Variants in LRIG2 observed in about 807,000 individuals in gnomAD.
LRIG2 encodes the protein leucine-rich repeats and immunoglobulin-like domains protein 2.
In LRIG2, 93 loss-of-function variants were observed where a neutral mutation model predicts 107.8. The observed-to-expected ratio is 0.86, with a 90% CI of 0.73 to 1.03. The LOEUF (loss-of-function observed/expected upper bound fraction) is 1.03. Among genes scored for constraint, LRIG2 ranks in the 50% least tolerant of loss-of-function variants. The pLI is 0.00. For synonymous variants in LRIG2, 471 were observed against 470.6 expected, an observed-to-expected ratio of 1.00 and a Z score of -0.01; for missense variants, 1,226 against 1,296.0, an observed-to-expected ratio of 0.95 and a Z score of 0.83.
intron 12 of LRIG2, among the ~76,000 whole-genome samples, chr1:113,109,883 A>G (rs1654697489): frequency 6.6e-6 from 1 of 152,156 alleles, no homozygotes; most frequent in African/African-American, 2.4e-5. Flanking sequence ...TTGTCTTGAA[A>G]TCCTAATATA....
At chr1:113,075,666 T>C (rs1218299722) in intron 1 of LRIG2, among the ~76,000 whole-genome samples, 1 of 151,550 alleles carries the variant, frequency 6.6e-6, no homozygotes, top group African/African-American at 2.4e-5. Flanking sequence ...TTCATTTAGC[T>C]GTAATTGGAA....
chr1:113,098,751 G>A lies in LRIG2; in HGVS notation c.1138G>A (p.Glu380Lys), dbSNP rs1654176969. ...TTCATGGGCCATAGAAGATGCTAGT[G>A]AAGCCTTTGCTGGACTCACAAGTCT... Reference protein sequence around the residue: ...EISWAIEDASEAFAGLTSLTK... With the variant: ...EISWAIEDASKAFAGLTSLTK... Residue 380 changes from glutamate to lysine, a missense_variant, in exon 9 of 18, where the codon GAA (glutamate) becomes AAA (lysine). Transcript: ENST00000361127. 1 of 1,612,726 alleles carries A rather than the reference G, an allele frequency of 6.2e-7. No homozygotes were observed. Among genetic ancestry groups the A allele is most frequent in the Admixed American group, 1.7e-5 (1 of 59,990 alleles).
rs1570745877 is a variant in LRIG2 at position 113,096,842 on chromosome 1, TCAAA to T, written c.1091+478_1091+481del. ...ATTATCTGATATGTGCCAGGTACTTTCAAATACTAGGATGATACTGCTGTTTTCC... is the reference window on the plus strand; with the variant it reads ...ATTATCTGATATGTGCCAGGTACTTTTACTAGGATGATACTGCTGTTTTCC... On this transcript the variant is annotated intron_variant, in intron 8 of 17. Transcript: ENST00000361127. Among the ~76,000 whole-genome samples, 16 of 152,318 alleles carry T rather than the reference TCAAA, an allele frequency of 1.1e-4. No individual in the cohort carries two copies. In the East Asian group the frequency reaches 3.1e-3, roughly 29 times the overall value.
intron 17 of LRIG2, among the ~76,000 whole-genome samples, chr1:113,121,035 C>T (rs1469560126): frequency 1.3e-5 from 2 of 151,942 alleles, no homozygotes; most frequent in African/African-American, 4.8e-5. Flanking sequence ...CCAGGCTGGT[C>T]TCGAACTGCT....
chr1:113,128,545 A>T lies in LRIG2; in HGVS notation c.*4444A>T, dbSNP rs1024560035. 12 of 152,346 alleles carry T rather than the reference A, an allele frequency of 7.9e-5. No individual in the cohort carries two copies. The highest frequency in any genetic ancestry group is 2.0e-4 in the Admixed American group (3 of 15,296). 9.4% of individuals were successfully genotyped at this position (152,346 alleles called of 1,614,324 possible). On this transcript the variant is annotated 3_prime_UTR_variant, in exon 18 of 18. Coordinates refer to ENST00000361127, the MANE Select transcript of LRIG2 (RefSeq NM_014813.3). Reference sequence around the variant, plus strand: ...TTCCCTCGAGGAGCTAAGGAGGATTATGCTACTTTAATAAAAAGCTGCTTT... The same window carrying T: ...TTCCCTCGAGGAGCTAAGGAGGATTTTGCTACTTTAATAAAAAGCTGCTTT...
At chr1:113,094,234 A>C in intron 4 of LRIG2, 105 bp from the exon 5 acceptor site, 1 of 705,658 alleles carries the variant, frequency 1.4e-6, no homozygotes, top group Non-Finnish European at 2.3e-6. Context: ...GATGGGCATT[A>C]AGTGATAGAG....
chr1:113,093,264 ATTACTCTACT>A lies in LRIG2; in HGVS notation c.367_376del (p.Thr123HisfsTer2). On this transcript the variant is annotated frameshift_variant, in exon 3 of 18. Transcript: ENST00000361127. LOFTEE classifies it high-confidence loss of function. ...GTATTTTGGAGAACCTACATCTAAT[ATTACTCTACT>A]TTCATTGTAAGTTAGTAAGTTTTCA... 1.3e-6 allele frequency: 2 copies of A among 1,593,620 alleles called. No homozygotes were observed. Among genetic ancestry groups the A allele is most frequent in the Non-Finnish European group, 1.7e-6 (2 of 1,168,844 alleles).
In LRIG2 at chr1:113,114,537, A is replaced by G. The variant is rs1654915020; in HGVS notation, c.2191A>G (p.Lys731Glu). 1.2e-6 allele frequency: 2 copies of G among 1,614,030 alleles called. No individual in the cohort carries two copies. Among genetic ancestry groups the G allele is most frequent in the African/African-American group, 2.7e-5 (2 of 74,924 alleles). The change falls in exon 15 of 18, where the codon AAA becomes GAA. Residue 731 changes from lysine to glutamate, a missense_variant. Physicochemically the swap from Lys to Glu is moderately conservative, Grantham distance 56. Coordinates refer to ENST00000361127, the MANE Select transcript of LRIG2 (RefSeq NM_014813.3). ...GSPAPRLNWT[K>E]DDGPLLVTER... ...TCCTGCCCCTCGTCTCAACTGGACTAAAGATGATGGGCCTTTGCTGGTGAC... is the reference window on the plus strand; with the variant it reads ...TCCTGCCCCTCGTCTCAACTGGACTGAAGATGATGGGCCTTTGCTGGTGAC...
At chr1:113,106,888 A>G (rs1318086115) in intron 11 of LRIG2, among the ~76,000 whole-genome samples, 1 of 152,224 alleles carries the variant, frequency 6.6e-6, no homozygotes, top group Non-Finnish European at 1.5e-5. Flanking sequence ...CAATGCTCCA[A>G]TATATAGTAA....
intron 13 of LRIG2, 40 bp downstream of exon 13, chr1:113,110,602 G>T (rs1028692765): frequency 6.4e-6 from 9 of 1,407,028 alleles, no homozygotes; most frequent in Non-Finnish European, 8.8e-6. Flanking sequence ...AGTTTAGAAG[G>T]ATTTTTCATG....
Position 113,073,512 on chromosome 1 carries a change from C to G in LRIG2, c.106C>G (p.Pro36Ala), listed in dbSNP as rs531847370. 1.5e-5 allele frequency: 24 copies of G among 1,614,186 alleles called. No homozygotes were observed. The African/African-American group carries it at 2.9e-4, about 20-fold the overall frequency. The change falls in exon 1 of 18, where the codon CCC (proline) becomes GCC (alanine). Residue 36 changes from proline to alanine, a missense_variant. Pro to Ala is a conservative substitution (Grantham distance 27, BLOSUM62 -1). Transcript: ENST00000361127. Reference sequence around the variant, plus strand: ...TGCCCAGACCGCTCTCCTCCTGTTGCCCGCCGCCGGAGCAGGTCTCTGCCC... The same window carrying G: ...TGCCCAGACCGCTCTCCTCCTGTTGGCCGCCGCCGGAGCAGGTCTCTGCCC... Reference protein sequence around the residue: ...FIAQTALLLLPAAGAGLCPAP... With the variant: ...FIAQTALLLLAAAGAGLCPAP...
Position 113,125,880 on chromosome 1 carries a change from C to T in LRIG2, c.*1779C>T, listed in dbSNP as rs1353918546. 1.3e-5 allele frequency: 2 copies of T among 152,246 alleles called. No homozygotes were observed. The highest frequency in any genetic ancestry group is 2.9e-5 in the Non-Finnish European group (2 of 68,048). The allele number at this position is 152,246 out of a possible 1,614,324, so 9.4% of individuals were successfully genotyped here. A position where few individuals can be genotyped will look rare whatever the true frequency, so the allele number is the denominator to read the frequency against. The stretch of plus-strand genomic sequence containing the variant: ...CTTTTGGTAGTGAAATAGGTGCTCA[C>T]ACCTGCTTGCTCAGAATGTGAAAAT... On this transcript the variant is annotated 3_prime_UTR_variant, in exon 18 of 18. Coordinates refer to ENST00000361127, the MANE Select transcript of LRIG2 (RefSeq NM_014813.3).
intron 1 of LRIG2, among the ~76,000 whole-genome samples, chr1:113,085,716 AGTTCTAACAGGAG>A (rs1241995138): frequency 6.6e-6 from 1 of 152,228 alleles, no homozygotes; most frequent in African/African-American, 2.4e-5. Flanking sequence ...TAATTCAGAT[AGTTCTAACAGGAG>A]GTGGGGTCTC....
At chr1:113,079,467 G>A (rs187783395) in intron 1 of LRIG2, among the ~76,000 whole-genome samples, 1 of 151,322 alleles carries the variant, frequency 6.6e-6, no homozygotes, top group Non-Finnish European at 1.5e-5. Flanking sequence ...GGTACATCAC[G>A]AGGTCAGGAG....
intron 1 of LRIG2, among the ~76,000 whole-genome samples, chr1:113,085,490 G>T (rs1382003768): frequency 6.6e-6 from 1 of 152,162 alleles, no homozygotes; most frequent in Non-Finnish European, 1.5e-5. Context: ...CTCCATGTTG[G>T]TCAGGCTGGT....
chr1:113,109,368 G>C (rs1264423506), intron 12 of LRIG2, among the ~76,000 whole-genome samples: 2 of 152,160 alleles, frequency 1.3e-5, no homozygotes, highest in East Asian at 1.9e-4. Flanking sequence ...CTGGACATTT[G>C]ACCTATTTGG....
chr1:113,080,303 G>A (rs1653208680), intron 1 of LRIG2, among the ~76,000 whole-genome samples: 1 of 152,124 alleles, frequency 6.6e-6, no homozygotes, highest in Non-Finnish European at 1.5e-5. Context: ...ACAGGCGTGA[G>A]CCACTGCCCC....
intron 2 of LRIG2, among the ~76,000 whole-genome samples, 197 bp downstream of exon 2, chr1:113,091,580 T>G (rs536627881): frequency 2.6e-5 from 4 of 152,210 alleles, no homozygotes; most frequent in Non-Finnish European, 5.9e-5. Context: ...GGTTGGTGAT[T>G]TCAAGTTGCA....
At chr1:113,088,415 A>G (rs1448342889) in intron 1 of LRIG2, among the ~76,000 whole-genome samples, 2 of 152,178 alleles carry the variant, frequency 1.3e-5, no homozygotes, top group African/African-American at 4.8e-5. Flanking sequence ...ATTGAGTTTC[A>G]TTTTATTGCT....
Sources: allele counts gnomAD v4.1 joint callset (sites outside exome capture counted in the v4.1 genomes callset), GRCh38; gene constraint gnomAD v4.1.1; transcripts MANE v1.5; gene names NCBI Gene and HGNC (gene_info 2026-07-23, HGNC 2026-07-21).